The following MGAT5B variants were observed in gnomAD, a reference collection of about 807,000 sequenced individuals.
MGAT5B encodes N-acetylglucosaminyl-transferase Vb.
Under a neutral mutation model 95.1 loss-of-function variants are expected in MGAT5B, and 54 were observed. That is an observed-to-expected ratio of 0.57 (90% CI 0.46 to 0.71). The LOEUF (loss-of-function observed/expected upper bound fraction) is 0.71, where lower values mean the gene tolerates loss of function less well. Ranked by LOEUF, MGAT5B falls within the 30% of genes least tolerant of loss-of-function variation. MGAT5B has a pLI of 0.00. For missense variants in MGAT5B, 935 were observed against 1,088.6 expected (o/e 0.86, Z 1.99); for synonymous variants, 464 against 451.0 (o/e 1.03, Z -0.36).
intron 8 of MGAT5B, chr17:76,913,669 G>A (rs746199059): frequency 2.4e-5 from 12 of 509,664 alleles, no homozygotes; most frequent in Admixed American, 2.2e-4. Flanking sequence ...CCTCTTACAG[G>A]CAAAGGAGAC....
At position 76,925,951 on chromosome 17, in the gene MGAT5B, A is replaced by G. The variant is rs181595757; in HGVS notation, c.1158-646A>G. 2.9e-4 allele frequency among the ~76,000 whole-genome samples: 44 copies of G among 152,192 alleles called. No individual in the cohort carries two copies. The East Asian group carries it at 7.4e-3, about 26-fold the overall frequency. On this transcript the variant is annotated intron_variant, in intron 9 of 17. Coordinates refer to ENST00000569840, the MANE Select transcript of MGAT5B (RefSeq NM_001199172.2). ...GTCTGGCCCTGTGGTTGGCTTATCT[A>G]TAGGGACAAGACCCCTCTGGGTTTT...
chr17:76,940,337 TC>T lies in MGAT5B; in HGVS notation c.1585-63del. The T allele has an allele frequency of 6.7e-7, 1 of 1,495,916 alleles. No homozygotes were observed. Among genetic ancestry groups the T allele is most frequent in the Non-Finnish European group, 8.9e-7 (1 of 1,121,906 alleles). 92.7% of individuals were successfully genotyped at this position (1,495,916 alleles called of 1,614,324 possible). A position where few individuals can be genotyped will look rare whatever the true frequency, so the allele number is the denominator to read the frequency against. On this transcript the variant is annotated intron_variant, in intron 13 of 17. Coordinates refer to ENST00000569840, the MANE Select transcript of MGAT5B (RefSeq NM_001199172.2). This position sits in a 1 kb window ranked among gnomAD's most constrained non-coding sequence, Gnocchi z 4.3. The stretch of plus-strand genomic sequence containing the variant: ...CCGAAGCCTCACCTTGTCCCCGGCA[TC>T]CTGGTGCTTACTGGGCTGTGGCGGC...
chr17:76,941,165 C>G (rs1483335268), intron 15 of MGAT5B, among the ~76,000 whole-genome samples: 1 of 152,252 alleles, frequency 6.6e-6, no homozygotes, highest in Non-Finnish European at 1.5e-5. Context: ...CAGGTGCTAA[C>G]TGAATGTTTT....
chr17:76,920,550 G>A (rs1598965833), intron 8 of MGAT5B, among the ~76,000 whole-genome samples: 2 of 152,196 alleles, frequency 1.3e-5, no homozygotes, highest in South Asian at 4.1e-4. Flanking sequence ...TCTCCAGGGG[G>A]TGAGGCTCAG....
At chr17:76,921,147 C>CTA (rs1220880453) in intron 8 of MGAT5B, among the ~76,000 whole-genome samples, 1 of 152,148 alleles carries the variant, frequency 6.6e-6, no homozygotes, top group Non-Finnish European at 1.5e-5. Flanking sequence ...GAAGAGTCTT[C>CTA]TAGACCCAGG....
chr17:76,923,183 T>C (rs1020441588), intron 8 of MGAT5B, among the ~76,000 whole-genome samples: 3 of 152,194 alleles, frequency 2.0e-5, no homozygotes, highest in African/African-American at 7.2e-5. Flanking sequence ...CATGCACCTT[T>C]CAGGCCGGTA....
At position 76,874,966 on chromosome 17, in the gene MGAT5B, T is replaced by C. The variant is rs149379050; in HGVS notation, c.181+2003T>C. Among the ~76,000 whole-genome samples, 637 of 152,252 alleles carry C rather than the reference T, an allele frequency of 4.2e-3. 8 individuals are homozygous for C. The highest frequency in any genetic ancestry group is 0.015 in the African/African-American group (604 of 41,510). The stretch of plus-strand genomic sequence containing the variant: ...ATGTGCATGTGTGTGCATGTGTGTG[T>C]GCGTGTACGTGGTCTTAAACTTTTT... On this transcript the variant is annotated intron_variant, in intron 2 of 17. Coordinates refer to ENST00000569840, the MANE Select transcript of MGAT5B (RefSeq NM_001199172.2).
chr17:76,948,647 G>A lies in MGAT5B; in HGVS notation c.2188G>A (p.Val730Met), dbSNP rs1439888745. The change falls in exon 18 of 18, where the codon GTG becomes ATG. Residue 730 changes from valine to methionine, a missense_variant. Transcript: ENST00000569840. ...CTGTGTGGTCCCTGCCAGGCTGCAG[G>A]TGCCCTGTGACAGCACCGAGTCGGA... is the stretch of plus-strand genomic sequence containing the variant. Reference protein sequence around the residue: ...NSQDAFLKLQVPCDSTESEMN... With the variant: ...NSQDAFLKLQMPCDSTESEMN... 6.2e-7 allele frequency: 1 copy of A among 1,611,632 alleles called. No homozygotes were observed. Among genetic ancestry groups the A allele is most frequent in the Non-Finnish European group, 8.5e-7 (1 of 1,179,302 alleles).
rs772211704 is a variant in MGAT5B, at chr17:76,904,407, C to T, written c.675C>T (p.Pro225=). Residue 225 remains proline, a synonymous_variant, in exon 6 of 18, where the codon CCC becomes CCT. Coordinates refer to ENST00000569840, the MANE Select transcript of MGAT5B (RefSeq NM_001199172.2). ...CGGCTGCCCAGAGGGCACCCAAGCC[C>T]CTCCCCAAAGTCCAGGTGGGCCTGG... is the stretch of plus-strand genomic sequence containing the variant. ...NQTAAQRAPK[P]LPKVQAVFRS... The T allele has an allele frequency of 1.6e-5, 25 of 1,560,272 alleles. No individual in the cohort carries two copies. In the South Asian group the frequency reaches 3.0e-4, roughly 18 times the overall value.
In MGAT5B at chr17:76,883,913, G is replaced by A. The variant is rs536066831; in HGVS notation, c.329+1615G>A. Among the ~76,000 whole-genome samples, 7 of 152,328 alleles carry A rather than the reference G, an allele frequency of 4.6e-5. No individual in the cohort carries two copies. In the South Asian group the frequency reaches 8.3e-4, roughly 18 times the overall value. ...CTGAGTCAGGCCTGAAACACAGTGC[G>A]CCCATGTGGACTGGTGTGGGATCCG... On this transcript the variant is annotated intron_variant, in intron 3 of 17. Coordinates refer to ENST00000569840, the MANE Select transcript of MGAT5B (RefSeq NM_001199172.2).
intron 3 of MGAT5B, among the ~76,000 whole-genome samples, chr17:76,885,598 T>C (rs1418073821): frequency 1.3e-5 from 2 of 152,228 alleles, no homozygotes; most frequent in East Asian, 3.9e-4. Context: ...AGGGAACTTG[T>C]AGGGGGAGGG....
intron 15 of MGAT5B, among the ~76,000 whole-genome samples, chr17:76,941,178 C>T (rs757259961): frequency 1.6e-4 from 25 of 152,354 alleles, no homozygotes; most frequent in Non-Finnish European, 3.1e-4. Flanking sequence ...AATGTTTTCA[C>T]GATGGATGTG....
chr17:76,899,280 A>G (rs1170614958), intron 3 of MGAT5B, among the ~76,000 whole-genome samples: 2 of 152,082 alleles, frequency 1.3e-5, no homozygotes, highest in East Asian at 1.9e-4. Context: ...GGAGCCTTAG[A>G]GCCCGGCTCG....
chr17:76,906,015 C>A lies in MGAT5B; in HGVS notation c.856-3C>A. The A allele has an allele frequency of 6.2e-7, 1 of 1,600,170 alleles. No individual in the cohort carries two copies. Among genetic ancestry groups the A allele is most frequent in the Non-Finnish European group, 8.5e-7 (1 of 1,174,308 alleles). ...GCTGACCCTCTGTGTTCCGCCCACC[C>A]AGATCCTGGTCCACATCGGCTTCCT... is the stretch of plus-strand genomic sequence containing the variant. On this transcript the variant is annotated splice_region_variant and splice_polypyrimidine_tract_variant and intron_variant, in intron 7 of 17. Transcript: ENST00000569840. This position sits in a 1 kb window ranked among gnomAD's most constrained non-coding sequence, Gnocchi z 4.6.
intron 2 of MGAT5B, 34 bp from the exon 3 acceptor site, chr17:76,882,117 G>A (rs751282848): frequency 1.9e-6 from 3 of 1,569,216 alleles, no homozygotes; most frequent in South Asian, 2.3e-5. Flanking sequence ...GGCTGCTCGG[G>A]CCTCCCCTAA....
Position 76,943,472 on chromosome 17 carries a change from C to T in MGAT5B, c.1848+2624C>T, listed in dbSNP as rs1599007757. The stretch of plus-strand genomic sequence containing the variant: ...GGGGAGGGCCTTAAATGCAGATCCT[C>T]GAGCCTATCCCGCACCTTCCCATTT... On this transcript the variant is annotated intron_variant, in intron 15 of 17. Transcript: ENST00000569840. 2.6e-5 allele frequency among the ~76,000 whole-genome samples: 4 copies of T among 152,156 alleles called. No individual in the cohort carries two copies. In the South Asian group the frequency reaches 6.2e-4, roughly 24 times the overall value.
rs115693733 is a variant in MGAT5B at position 76,933,917 on chromosome 17, G to C, written c.1428+620G>C. ...TGGTTCAAGATGGCTACAGGTATTA[G>C]AGTCATTATATCTGCATCCCAGCCA... On this transcript the variant is annotated intron_variant, in intron 12 of 17. Transcript: ENST00000569840. Among the ~76,000 whole-genome samples the C allele has an allele frequency of 8.2e-3, 1,244 of 152,204 alleles. 13 individuals carry two copies. Among genetic ancestry groups the C allele is most frequent in the African/African-American group, 0.029 (1,189 of 41,524 alleles).
chr17:76,929,782 G>A (rs990818983), intron 10 of MGAT5B, among the ~76,000 whole-genome samples: 4 of 152,194 alleles, frequency 2.6e-5, no homozygotes, highest in Admixed American at 1.3e-4. Context: ...GCCTCTCCTG[G>A]CCTTACCCTC....
Position 76,938,818 on chromosome 17 carries a change from A to G in MGAT5B, c.1584+675A>G, listed in dbSNP as rs991788184. On this transcript the variant is annotated intron_variant, in intron 13 of 17. Transcript: ENST00000569840. The surrounding 1 kb of genome is among the most constrained non-coding windows in gnomAD (Gnocchi z 4.3). ...CTCCACCTCCCGAGTAGCTGGGACT[A>G]TTGGCATACACCACCACACCTGGCT... Among the ~76,000 whole-genome samples, 2 of 152,018 alleles carry G rather than the reference A, an allele frequency of 1.3e-5. No homozygotes were observed. The highest frequency in any genetic ancestry group is 2.9e-5 in the Non-Finnish European group (2 of 67,996).
Sources: gnomAD v4.1 joint callset for allele counts (sites outside exome capture counted in the v4.1 genomes callset) on GRCh38, gnomAD v4.1.1 for gene constraint, Gnocchi (gnomAD v3.1) non-coding constraint, MANE v1.5 for transcripts, NCBI Gene and HGNC (gene_info 2026-07-23, HGNC 2026-07-21) for gene names.